DCLRE1C: variants seen among roughly 807,000 people sequenced by gnomAD.
DCLRE1C encodes protein artemis.
Under a neutral mutation model 61.4 loss-of-function variants are expected in DCLRE1C, and 47 were observed. The ratio of observed to expected loss-of-function variants is 0.77; its 90% CI spans 0.61 to 0.98. DCLRE1C has a LOEUF of 0.98. Ranked by LOEUF, DCLRE1C falls within the 50% of genes least tolerant of loss-of-function variation. DCLRE1C has a pLI of 0.00. For missense variants in DCLRE1C, 858 were observed against 816.0 expected (o/e 1.05, Z -0.63); for synonymous variants, 337 against 287.6 (o/e 1.17, Z -1.74).
chr10:14,901,577 A>G (rs902158800), downstream of DCLRE1C, among the ~76,000 whole-genome samples: 1 of 150,594 alleles, frequency 6.6e-6, no homozygotes, highest in Admixed American at 6.6e-5. Flanking sequence ...TGGGCTAAGC[A>G]TGCTGGCTCC....
At chr10:14,917,004 A>G (rs1475471231) in intron 13 of DCLRE1C, among the ~76,000 whole-genome samples, 3 of 152,260 alleles carry the variant, frequency 2.0e-5, no homozygotes, top group South Asian at 2.1e-4. Flanking sequence ...CCTGACTTCA[A>G]GATTTACAAA....
exon 14 of DCLRE1C, chr10:14,898,940 G>A (rs143017583): frequency 4.5e-5 from 17 of 374,354 alleles, no homozygotes; most frequent in Non-Finnish European, 7.1e-5. Flanking sequence ...ACATTCAGTT[G>A]TGTCCTGTAG....
downstream of DCLRE1C, chr10:14,901,109 A>G (rs375907585): frequency 6.2e-7 from 1 of 1,612,318 alleles, no homozygotes; most frequent in African/African-American, 1.3e-5. Context: ...TTGTACTTAA[A>G]TGGGTTCTAA....
upstream of DCLRE1C, chr10:14,954,157 A>C: frequency 7.2e-7 from 1 of 1,397,920 alleles, no homozygotes; most frequent in South Asian, 1.2e-5. Context: ...GAGTCCGGAG[A>C]CCGGGGGCAA....
Position 14,940,181 on chromosome 10 carries a change from C to G in DCLRE1C, c.247-312G>C, listed in dbSNP as rs41296984. On this transcript the variant is annotated intron_variant, in intron 3 of 13. Coordinates refer to ENST00000378278, the MANE Select transcript of DCLRE1C (RefSeq NM_001033855.3). The stretch of plus-strand genomic sequence containing the variant: ...CCCTACCACTCCCATTCCCCTCTCT[C>G]TCTGAATTCTGAGTCTTTGTAAAAA... 5.1e-4 allele frequency among the ~76,000 whole-genome samples: 78 copies of G among 152,236 alleles called. 6 individuals carry two copies. The East Asian group carries it at 0.014, about 27-fold the overall frequency.
At chr10:14,954,159 C>A (rs1011151167), upstream of DCLRE1C, 13 of 1,392,608 alleles carry the variant, frequency 9.3e-6, no homozygotes, top group South Asian at 1.2e-5. Context: ...GTCCGGAGAC[C>A]GGGGGCAAAG....
chr10:14,932,676 G>A (rs373524565), intron 9 of DCLRE1C, among the ~76,000 whole-genome samples, 178 bp downstream of exon 9: 15 of 152,158 alleles, frequency 9.9e-5, no homozygotes, highest in African/African-American at 2.6e-4. Context: ...TACTAGTGAC[G>A]AAAAGTGTGG....
At chr10:14,951,629 C>T (rs572567338) in intron 1 of DCLRE1C, among the ~76,000 whole-genome samples, 1 of 152,028 alleles carries the variant, frequency 6.6e-6, no homozygotes, top group Non-Finnish European at 1.5e-5. Context: ...AGATGCGGGG[C>T]GATTTGGTTT....
chr10:14,908,010 A>G lies in DCLRE1C; in HGVS notation c.*398T>C. ...CTGCGTAGCTGGGATTACAGGCATG[A>G]GCCACCGTGCCTGGCCTTTTTCTTT... is the stretch of plus-strand genomic sequence containing the variant. On this transcript the variant is annotated 3_prime_UTR_variant, in exon 14 of 14. Coordinates refer to ENST00000378278, the MANE Select transcript of DCLRE1C (RefSeq NM_001033855.3). 1 of 173,452 alleles carries G rather than the reference A, an allele frequency of 5.8e-6. No homozygotes were observed. The highest frequency in any genetic ancestry group is 1.4e-4 in the South Asian group (1 of 7,292). The allele number at this position is 173,452 out of a possible 1,614,324, so 10.7% of individuals were successfully genotyped here.
chr10:14,910,615 T>C (rs1835097468), intron 13 of DCLRE1C, among the ~76,000 whole-genome samples: 1 of 152,180 alleles, frequency 6.6e-6, no homozygotes, highest in Non-Finnish European at 1.5e-5. Flanking sequence ...TTTTATGAAA[T>C]ATTTTTGTAT....
rs778473632 is a variant in DCLRE1C, at chr10:14,934,687, C to T, written c.537+16G>A. 1.9e-6 allele frequency: 3 copies of T among 1,613,532 alleles called. No homozygotes were observed. The highest frequency in any genetic ancestry group is 4.5e-5 in the East Asian group (2 of 44,888). On this transcript the variant is annotated intron_variant, in intron 7 of 13. Coordinates refer to ENST00000378278, the MANE Select transcript of DCLRE1C (RefSeq NM_001033855.3). ...GCACACCCAGATGATAACCCTGTTC[C>T]TCCAGGCAGACTTACCCGACTTGGA... is the stretch of plus-strand genomic sequence containing the variant.
chr10:14,917,207 C>G (rs1174415826), intron 13 of DCLRE1C, among the ~76,000 whole-genome samples: 1 of 152,110 alleles, frequency 6.6e-6, no homozygotes, highest in Non-Finnish European at 1.5e-5. Context: ...GACACACACA[C>G]AAAATTACCT....
intron 10 of DCLRE1C, among the ~76,000 whole-genome samples, chr10:14,927,310 G>A (rs957615610): frequency 9.9e-5 from 15 of 151,296 alleles, no homozygotes; most frequent in Admixed American, 3.3e-4. Flanking sequence ...CACTTGAACC[G>A]GGAGGCAGAG....
At position 14,909,995 on chromosome 10, in the gene DCLRE1C, AT is replaced by A. The variant is rs1401977001; in HGVS notation, c.1157-666del. 2.0e-5 allele frequency among the ~76,000 whole-genome samples: 3 copies of A among 151,802 alleles called. No homozygotes were observed. The East Asian group carries it at 5.8e-4, about 29-fold the overall frequency. ...TACTTAGAAAAACAAATATTTTCCC[AT>A]CTTGTAACAGTATCTAACCTAGGAA... On this transcript the variant is annotated intron_variant, in intron 13 of 13. Coordinates refer to ENST00000378278, the MANE Select transcript of DCLRE1C (RefSeq NM_001033855.3).
At chr10:14,936,682 A>G (rs1839981555) in intron 4 of DCLRE1C, 89 bp from the exon 5 acceptor site, 1 of 860,510 alleles carries the variant, frequency 1.2e-6, no homozygotes, top group Non-Finnish European at 1.9e-6. Flanking sequence ...GAACACATTT[A>G]TGTACCTTTT....
At chr10:14,901,366 A>C, downstream of DCLRE1C, 1 of 1,474,922 alleles carries the variant, frequency 6.8e-7, no homozygotes, top group Non-Finnish European at 9.2e-7. Context: ...AATACTAAAG[A>C]TGAAAAGTTG....
intron 13 of DCLRE1C, among the ~76,000 whole-genome samples, chr10:14,911,776 G>A (rs1351159552): frequency 6.6e-6 from 1 of 152,156 alleles, no homozygotes; most frequent in Non-Finnish European, 1.5e-5. Context: ...CAGTTGAAAT[G>A]GGGGCAAAAG....
upstream of DCLRE1C, chr10:14,954,365 A>T (rs2131243896): frequency 2.6e-6 from 1 of 388,942 alleles, no homozygotes; most frequent in Non-Finnish European, 4.9e-6. Context: ...AAACTCCCAG[A>T]GCAGGTGGCC....
At chr10:14,915,520 AAATT>A (rs1000362251) in intron 13 of DCLRE1C, among the ~76,000 whole-genome samples, 5 of 152,044 alleles carry the variant, frequency 3.3e-5, no homozygotes, top group African/African-American at 4.8e-5. Context: ...TTATGCCAAA[AAATT>A]AAGCAACATG....
Sources: allele counts gnomAD v4.1 joint callset (sites outside exome capture counted in the v4.1 genomes callset), GRCh38; gene constraint gnomAD v4.1.1; transcripts MANE v1.5; gene names NCBI Gene and HGNC (gene_info 2026-07-23, HGNC 2026-07-21).